Variants in PKNOX1 observed in about 807,000 individuals in gnomAD.
The protein encoded by PKNOX1 is PBX/knotted 1 homeobox 1, also known as homeobox protein PKNOX1.
Under a neutral mutation model 51.9 loss-of-function variants are expected in PKNOX1, and 15 were observed. The observed-to-expected ratio is 0.29, with a 90% confidence interval of 0.19 to 0.45. The LOEUF (loss-of-function observed/expected upper bound fraction) is 0.45, where lower values mean the gene tolerates loss of function less well. Among genes scored for constraint, PKNOX1 ranks in the 20% least tolerant of loss-of-function variants. PKNOX1 has a pLI of 1.00. For synonymous variants in PKNOX1, 219 were observed against 211.1 expected, an observed-to-expected ratio of 1.04 and a Z score of -0.32; for missense variants, 462 against 547.5, an observed-to-expected ratio of 0.84 and a Z score of 1.56.
Position 42,998,018 on chromosome 21 carries a change from A to G in PKNOX1, c.-56-6308A>G, listed in dbSNP as rs567613905. Among the ~76,000 whole-genome samples, 12 of 152,304 alleles carry G rather than the reference A, an allele frequency of 7.9e-5. No homozygotes were observed. In the South Asian group the frequency reaches 2.5e-3, roughly 32 times the overall value. On this transcript the variant is annotated intron_variant, in intron 1 of 10. Transcript: ENST00000291547. ...TTTAGAAAGCTTGGAGAATGGGTCT[A>G]CTCAGGTAGCTCACACCTTGTGTTG...
chr21:42,995,701 C>T (rs940001024), intron 1 of PKNOX1, among the ~76,000 whole-genome samples: 4 of 152,070 alleles, frequency 2.6e-5, no homozygotes, highest in African/African-American at 4.8e-5. Flanking sequence ...TGAAATGTAT[C>T]TTGTGGCAGG....
At chr21:42,979,806 T>G (rs2059017709) in intron 1 of PKNOX1, among the ~76,000 whole-genome samples, 1 of 152,182 alleles carries the variant, frequency 6.6e-6, no homozygotes. Context: ...CAGCAGTGTG[T>G]TATACCACTA....
intron 1 of PKNOX1, among the ~76,000 whole-genome samples, chr21:42,991,402 A>T (rs1435233673): frequency 3.3e-5 from 5 of 152,044 alleles, no homozygotes; most frequent in African/African-American, 1.2e-4. Flanking sequence ...GCTTAACTAT[A>T]CAGAGAGGAG....
chr21:42,989,583 T>TA (rs1441265281), intron 1 of PKNOX1, among the ~76,000 whole-genome samples: 3 of 152,030 alleles, frequency 2.0e-5, no homozygotes, highest in African/African-American at 7.2e-5. Context: ...CACGCCTGGC[T>TA]AATTTTTGCA....
At chr21:43,024,991 A>G (rs1979929269) in intron 9 of PKNOX1, 44 bp downstream of exon 9, 1 of 1,221,084 alleles carries the variant, frequency 8.2e-7, no homozygotes, top group Non-Finnish European at 1.2e-6. Context: ...AGCACGGTAG[A>G]GCACTTGGAA....
chr21:43,008,061 T>TCTCTCTCACACA (rs59792199), intron 3 of PKNOX1, among the ~76,000 whole-genome samples: 10 of 146,776 alleles, frequency 6.8e-5, no homozygotes, highest in Non-Finnish European at 8.9e-5. Flanking sequence ...CAAAACTCTG[T>TCTCTCTCACACA]CACACACACA....
At chr21:42,988,598 G>C in intron 1 of PKNOX1, among the ~76,000 whole-genome samples, 1 of 152,170 alleles carries the variant, frequency 6.6e-6, no homozygotes, top group Non-Finnish European at 1.5e-5. Flanking sequence ...CTGAAGTCTA[G>C]AACTCTGCTT....
intron 7 of PKNOX1, among the ~76,000 whole-genome samples, chr21:43,019,852 T>C (rs866247987): frequency 2.0e-5 from 3 of 150,852 alleles, no homozygotes; most frequent in African/African-American, 7.3e-5. Flanking sequence ...CTCAAGAAGG[T>C]TGGTGTTCTT....
At chr21:42,984,466 A>G (rs1310400708) in intron 1 of PKNOX1, among the ~76,000 whole-genome samples, 3 of 150,590 alleles carry the variant, frequency 2.0e-5, no homozygotes, top group Non-Finnish European at 4.4e-5. Context: ...TTGGCTCACC[A>G]CAACCTCCAC....
chr21:43,016,884 C>T (rs1245866296), intron 5 of PKNOX1, 24 bp from the exon 6 acceptor site: 3 of 1,490,888 alleles, frequency 2.0e-6, no homozygotes, highest in South Asian at 1.2e-5. Context: ...GTAATTCCTT[C>T]AACATGTGTG....
intron 6 of PKNOX1, 177 bp from the exon 7 acceptor site, chr21:43,017,956 T>C: frequency 1.8e-6 from 1 of 557,890 alleles, no homozygotes; most frequent in Non-Finnish European, 3.1e-6. Context: ...ACATCTGTAA[T>C]TCCAGCACTT....
At chr21:43,004,498 T>C (rs942335656) in intron 2 of PKNOX1, 66 bp downstream of exon 2, 2 of 1,034,638 alleles carry the variant, frequency 1.9e-6, no homozygotes, top group African/African-American at 3.1e-5. Flanking sequence ...TGAACATTGC[T>C]TTGTATACTT....
chr21:43,033,494 T>A lies in PKNOX1; in HGVS notation c.*3393T>A, dbSNP rs1980370163. 1 of 152,688 alleles carries A rather than the reference T, an allele frequency of 6.5e-6. No individual in the cohort carries two copies. Among genetic ancestry groups the A allele is most frequent in the Non-Finnish European group, 1.5e-5 (1 of 68,052 alleles). The allele number at this position is 152,688 out of a possible 1,614,324, so 9.5% of individuals were successfully genotyped here. On this transcript the variant is annotated 3_prime_UTR_variant, in exon 11 of 11. Transcript: ENST00000291547. ...TTGAAATGTGAATACTGTAACAATA[T>A]GTTTTCTTGGATTGTTGTCTTTAAA...
chr21:43,000,757 C>T (rs1416839790), intron 1 of PKNOX1, among the ~76,000 whole-genome samples: 1 of 152,120 alleles, frequency 6.6e-6, no homozygotes, highest in African/African-American at 2.4e-5. Context: ...GTGGTGTGGG[C>T]CTGTAGTTCC....
At position 43,013,052 on chromosome 21, in the gene PKNOX1, A is replaced by T. The variant is rs767011646; in HGVS notation, c.352-16A>T. ...GCCACCTTTTTCTCTGAAAGTCTTC[A>T]TTTTCTCTGCTCTAGATGGTAAAAG... On this transcript the variant is annotated splice_polypyrimidine_tract_variant and intron_variant, in intron 4 of 10. Transcript: ENST00000291547. 6.4e-7 allele frequency: 1 copy of T among 1,565,734 alleles called. No individual in the cohort carries two copies. Among genetic ancestry groups the T allele is most frequent in the East Asian group, 2.3e-5 (1 of 43,506 alleles).
At chr21:42,986,988 G>A (rs1311050135) in intron 1 of PKNOX1, among the ~76,000 whole-genome samples, 1 of 152,130 alleles carries the variant, frequency 6.6e-6, no homozygotes, top group Non-Finnish European at 1.5e-5. Context: ...ATGGGGCTGT[G>A]TGGACTCCTC....
At chr21:43,000,168 C>T (rs554750856) in intron 1 of PKNOX1, among the ~76,000 whole-genome samples, 2 of 152,290 alleles carry the variant, frequency 1.3e-5, no homozygotes, top group South Asian at 4.2e-4. Flanking sequence ...TCTGAGCCCT[C>T]CAAACTGTTG....
chr21:42,985,601 C>T (rs145232738), intron 1 of PKNOX1, among the ~76,000 whole-genome samples: 2 of 152,160 alleles, frequency 1.3e-5, no homozygotes, highest in African/African-American at 4.8e-5. Context: ...TCCCACAATG[C>T]TGAGATTACA....
At chr21:42,986,654 T>C (rs1434780307) in intron 1 of PKNOX1, among the ~76,000 whole-genome samples, 2 of 152,180 alleles carry the variant, frequency 1.3e-5, no homozygotes, top group African/African-American at 4.8e-5. Context: ...TGCCTAAAAC[T>C]TCTCACACAC....
Sources: gnomAD v4.1 joint callset for allele counts (sites outside exome capture counted in the v4.1 genomes callset) on GRCh38, gnomAD v4.1.1 for gene constraint, MANE v1.5 for transcripts, NCBI Gene and HGNC (gene_info 2026-07-23, HGNC 2026-07-21) for gene names.